Variants in GRB10 observed in about 807,000 individuals in gnomAD.
GRB10 encodes the protein growth factor receptor bound protein 10.
GRB10 carries 20 observed loss-of-function variants against 80.9 expected under a neutral mutation model. The observed-to-expected ratio is 0.25, with a 90% CI of 0.17 to 0.36. The LOEUF is 0.36. Among genes scored for constraint, GRB10 ranks in the 10% least tolerant of loss-of-function variants. GRB10 has a pLI of 1.00. For missense variants in GRB10, 548 were observed against 747.7 expected (o/e 0.73, Z 3.12); for synonymous variants, 291 against 291.5 (o/e 1.00, Z 0.02).
intron 3 of GRB10, among the ~76,000 whole-genome samples, chr7:50,748,082 C>T (rs1044836735): frequency 3.3e-5 from 5 of 152,162 alleles, no homozygotes; most frequent in African/African-American, 7.2e-5. Flanking sequence ...TTCTCATCCC[C>T]GCCTGATGAT....
intron 3 of GRB10, among the ~76,000 whole-genome samples, chr7:50,748,396 G>A (rs192015520): frequency 6.6e-4 from 101 of 152,358 alleles, no homozygotes; most frequent in African/African-American, 1.9e-3. Flanking sequence ...AGAGCGTCAC[G>A]GCAGATGTGA....
intron 4 of GRB10, among the ~76,000 whole-genome samples, chr7:50,708,673 GTTTTTTTTTTTTT>G (rs150250702): frequency 1.2e-5 from 1 of 83,260 alleles, no homozygotes; most frequent in East Asian, 3.9e-4. Flanking sequence ...CTGTGAGTCT[GTTTTTTTTTTTTT>G]TTTTTTTTGA....
chr7:50,759,852 G>T (rs1276172240), intron 2 of GRB10, among the ~76,000 whole-genome samples: 1 of 152,160 alleles, frequency 6.6e-6, no homozygotes, highest in Non-Finnish European at 1.5e-5. Context: ...ACCAGGAGAG[G>T]GCCACAGAGA....
At chr7:50,608,704 C>T (rs554247136) in intron 13 of GRB10, among the ~76,000 whole-genome samples, 2 of 152,254 alleles carry the variant, frequency 1.3e-5, no homozygotes, top group Admixed American at 1.3e-4. Flanking sequence ...GTGGTTCACG[C>T]CTGTAATCCC....
chr7:50,625,526 C>T (rs2052719298), intron 8 of GRB10, among the ~76,000 whole-genome samples: 1 of 152,188 alleles, frequency 6.6e-6, no homozygotes, highest in South Asian at 2.1e-4. Context: ...GTAGGATCCA[C>T]TCATGGACGT....
At chr7:50,697,324 T>A (rs898809643) in intron 5 of GRB10, among the ~76,000 whole-genome samples, 1 of 152,038 alleles carries the variant, frequency 6.6e-6, no homozygotes, top group African/African-American at 2.4e-5. Flanking sequence ...TAAAGAAAGG[T>A]TTTTTCAAAA....
At chr7:50,694,551 C>G (rs2063213950) in intron 5 of GRB10, among the ~76,000 whole-genome samples, 1 of 152,138 alleles carries the variant, frequency 6.6e-6, no homozygotes, top group South Asian at 2.1e-4. Context: ...ATTCTCAGAT[C>G]CTGTCTCCAC....
chr7:50,733,457 G>C (rs902401516), intron 3 of GRB10, among the ~76,000 whole-genome samples: 3 of 152,192 alleles, frequency 2.0e-5, no homozygotes, highest in African/African-American at 7.2e-5. Context: ...TCCCAGATCT[G>C]TAAAATTTAC....
rs1333127600 is a variant in GRB10, at chr7:50,616,156, G to C, written c.984+54C>G. The stretch of plus-strand genomic sequence containing the variant: ...AGCCCAGGTTCACTCTGAGGACCTG[G>C]GGGGAGTGACTGTGGCAGAATTAGG... On this transcript the variant is annotated intron_variant, in intron 11 of 18. Transcript: ENST00000401949. The C allele has an allele frequency of 6.2e-6, 10 of 1,608,580 alleles. No homozygotes were observed. In the East Asian group the frequency reaches 1.1e-4, roughly 18 times the overall value.
chr7:50,676,563 C>T (rs1278124725), intron 5 of GRB10, among the ~76,000 whole-genome samples: 2 of 152,168 alleles, frequency 1.3e-5, no homozygotes, highest in African/African-American at 4.8e-5. Flanking sequence ...ATAAGCTTTG[C>T]ATCCCTCATT....
At chr7:50,595,951 A>C (rs2046568234) in intron 17 of GRB10, 1 of 171,884 alleles carries the variant, frequency 5.8e-6, no homozygotes, top group African/African-American at 2.4e-5. Flanking sequence ...TAACCCATGA[A>C]ATCGGAATCC....
At chr7:50,654,447 G>A (rs1168424685) in intron 7 of GRB10, among the ~76,000 whole-genome samples, 2 of 152,186 alleles carry the variant, frequency 1.3e-5, no homozygotes, top group Non-Finnish European at 2.9e-5. Context: ...CTTAACAGAC[G>A]AGGTTCTGGT....
chr7:50,606,591 ACGC>A, intron 13 of GRB10, 177 bp from the exon 14 acceptor site: 1 of 631,512 alleles, frequency 1.6e-6, no homozygotes, highest in Non-Finnish European at 2.9e-6. Context: ...AGGAGCAATG[ACGC>A]CCCTTGAAAT....
chr7:50,668,083 C>G (rs567878874), intron 7 of GRB10, among the ~76,000 whole-genome samples: 3 of 152,244 alleles, frequency 2.0e-5, no homozygotes, highest in South Asian at 4.1e-4. Context: ...GTGCACAAGC[C>G]CAGCCAGTGC....
intron 3 of GRB10, among the ~76,000 whole-genome samples, chr7:50,733,876 C>T (rs530717107): frequency 2.0e-5 from 3 of 152,280 alleles, no homozygotes; most frequent in South Asian, 4.1e-4. Flanking sequence ...TTAACAGAGG[C>T]ATTACCCAAT....
At chr7:50,750,575 A>G (rs932478043) in intron 3 of GRB10, among the ~76,000 whole-genome samples, 1 of 152,206 alleles carries the variant, frequency 6.6e-6, no homozygotes, top group Non-Finnish European at 1.5e-5. Context: ...TAGAAGTGCT[A>G]GGGAACGCAG....
At chr7:50,725,499 T>C (rs1385507500) in intron 4 of GRB10, among the ~76,000 whole-genome samples, 1 of 152,174 alleles carries the variant, frequency 6.6e-6, no homozygotes, top group African/African-American at 2.4e-5. Context: ...TAAGTTTTGG[T>C]TTTTGTAGGT....
intron 6 of GRB10, among the ~76,000 whole-genome samples, chr7:50,671,100 C>A (rs1180660575): frequency 1.3e-5 from 2 of 152,212 alleles, no homozygotes; most frequent in Non-Finnish European, 2.9e-5. Context: ...TGTAGAGTAA[C>A]TTCTGGCCCA....
At chr7:50,652,919 A>G (rs1424999347) in intron 7 of GRB10, among the ~76,000 whole-genome samples, 1 of 152,206 alleles carries the variant, frequency 6.6e-6, no homozygotes, top group East Asian at 1.9e-4. Flanking sequence ...CCTGCCCTCA[A>G]CAACACAATT....
Sources: allele counts gnomAD v4.1 joint callset (sites outside exome capture counted in the v4.1 genomes callset), GRCh38; gene constraint gnomAD v4.1.1; transcripts MANE v1.5; gene names NCBI Gene and HGNC (gene_info 2026-07-23, HGNC 2026-07-21).